Variants in CELSR1 observed in about 807,000 individuals in gnomAD.
The protein encoded by CELSR1 is adhesion G protein-coupled receptor C1.
CELSR1 carries 110 observed loss-of-function variants against 249.1 expected under a neutral mutation model. The observed-to-expected ratio is 0.44, with a 90% CI of 0.38 to 0.52. The LOEUF (loss-of-function observed/expected upper bound fraction) is 0.52, where lower values mean the gene tolerates loss of function less well. Among genes scored for constraint, CELSR1 ranks in the 20% least tolerant of loss-of-function variants. The probability of loss-of-function intolerance (pLI) is 0.00; values close to 1 mark genes in which losing one functional copy is unlikely to be tolerated. For missense variants in CELSR1, 4,109 were observed against 4,296.4 expected (o/e 0.96, Z 1.22); for synonymous variants, 2,113 against 1,900.0 (o/e 1.11, Z -2.92).
chr22:46,411,413 G>A lies in CELSR1; in HGVS notation c.4769+189C>T, dbSNP rs1335932881. 6.6e-6 allele frequency among the ~76,000 whole-genome samples: 1 copy of A among 152,168 alleles called. No individual in the cohort carries two copies. Among genetic ancestry groups the A allele is most frequent in the African/African-American group, 2.4e-5 (1 of 41,432 alleles). On this transcript the variant is annotated intron_variant, in intron 6 of 34. Transcript: ENST00000674500. This position sits in a 1 kb window ranked among gnomAD's most constrained non-coding sequence, Gnocchi z 4.2. ...CTGGCCACTCTTGACACATACTTAG[G>A]GAGACTTATTCTAGAAGGTCAGAGG...
chr22:46,480,463 T>A (rs1344093992), intron 1 of CELSR1, among the ~76,000 whole-genome samples: 1 of 152,212 alleles, frequency 6.6e-6, no homozygotes, highest in Non-Finnish European at 1.5e-5. Flanking sequence ...CAATTCCACA[T>A]CTTAAAATCA....
Position 46,410,702 on chromosome 22 carries a change from G to T in CELSR1, c.4770-141C>A. 1.3e-6 allele frequency: 1 copy of T among 766,586 alleles called. No individual in the cohort carries two copies. Among genetic ancestry groups the T allele is most frequent in the Non-Finnish European group, 2.1e-6 (1 of 482,090 alleles). The allele number at this position is 766,586 out of a possible 1,614,324, so 47.5% of individuals were successfully genotyped here. A position where few individuals can be genotyped will look rare whatever the true frequency, so the allele number is the denominator to read the frequency against. ...AGCAGACAGGCGGGGAGAGGCCAAA[G>T]TCAGAGGGGGCTCCTGTGTCTGGTG... On this transcript the variant is annotated intron_variant, in intron 6 of 34. Coordinates refer to ENST00000674500, the MANE Select transcript of CELSR1 (RefSeq NM_001378328.1). This position sits in a 1 kb window ranked among gnomAD's most constrained non-coding sequence, Gnocchi z 6.8.
Position 46,534,284 on chromosome 22 carries a change from C to T in CELSR1, c.2887G>A (p.Val963Met), listed in dbSNP as rs1226470003. ...ACAGCCAGAGCCCAAAGGTTGTACA[C>T]GGCCACATTCTCCCGGTCCAGCCGG... The part of the protein sequence containing the change: ...QRRLDRENVA[V>M]YNLWALAVDR... The change falls in exon 1 of 35, where the codon GTG (valine) becomes ATG (methionine). Residue 963 changes from valine to methionine, a missense_variant. Coordinates refer to ENST00000674500, the MANE Select transcript of CELSR1 (RefSeq NM_001378328.1). The surrounding 1 kb of genome is among the most constrained non-coding windows in gnomAD (Gnocchi z 9.7). The T allele has an allele frequency of 7.4e-6, 12 of 1,613,270 alleles. No homozygotes were observed. Among genetic ancestry groups the T allele is most frequent in the East Asian group, 6.7e-5 (3 of 44,878 alleles).
rs1251735909 is a variant in CELSR1 at position 46,535,897 on chromosome 22, A to T, written c.1274T>A (p.Leu425His). The change falls in exon 1 of 35, where the codon CTC (leucine) becomes CAC (histidine). Residue 425 changes from leucine (L) to histidine (H), a missense_variant. Transcript: ENST00000674500. ...CCCCTGGTCGTTGGCCTCCACCAGG[A>T]GCTGGTACTCGGCCGCCTCCTCCCG... ...LDREEAAEYQLLVEANDQGRN... is the reference protein window; with the variant it reads ...LDREEAAEYQHLVEANDQGRN... The T allele has an allele frequency of 6.2e-7, 1 of 1,608,884 alleles. No homozygotes were observed. The highest frequency in any genetic ancestry group is 8.5e-7 in the Non-Finnish European group (1 of 1,179,324).
Position 46,391,190 on chromosome 22 carries a change from G to T in CELSR1, c.6246C>A (p.Ser2082=). The T allele has an allele frequency of 6.2e-7, 1 of 1,612,064 alleles. No homozygotes were observed. The highest frequency in any genetic ancestry group is 8.5e-7 in the Non-Finnish European group (1 of 1,179,364). The change falls in exon 16 of 35, where the codon TCC becomes TCA. Residue 2082 remains serine, a synonymous_variant. Coordinates refer to ENST00000674500, the MANE Select transcript of CELSR1 (RefSeq NM_001378328.1). The surrounding 1 kb of genome is among the most constrained non-coding windows in gnomAD (Gnocchi z 4.3). ...QPAAVPCPKG[S]VGNAVRHCSG... Reference sequence around the variant, plus strand: ...ACACAGGCCACGGCGACTCACCAACGGATCCCTTAGGGCATGGCACCGCAG... The same window carrying T: ...ACACAGGCCACGGCGACTCACCAACTGATCCCTTAGGGCATGGCACCGCAG...
chr22:46,439,253 G>A lies in CELSR1; in HGVS notation c.4342C>T (p.Pro1448Ser), dbSNP rs866267913. The change falls in exon 3 of 35, where the codon CCG becomes TCG. Residue 1448 changes from proline to serine, a missense_variant. By Grantham distance (74) the Pro-to-Ser change is moderately conservative. Coordinates refer to ENST00000674500, the MANE Select transcript of CELSR1 (RefSeq NM_001378328.1). ...PYCEVTTRSF[P>S]PQSFVTFRGL... ...CGGAAGGTGACGAAGGACTGGGGCG[G>A]GAAGCTCCTGGTGGTCACCTCACAG... 2.5e-6 allele frequency: 4 copies of A among 1,614,000 alleles called. No individual in the cohort carries two copies. The highest frequency in any genetic ancestry group is 3.4e-6 in the Non-Finnish European group (4 of 1,180,016).
rs532260576 is a variant in CELSR1 at position 46,434,457 on chromosome 22, T to C, written c.4523-976A>G. Among the ~76,000 whole-genome samples, 1 of 152,292 alleles carries C rather than the reference T, an allele frequency of 6.6e-6. No individual in the cohort carries two copies. The highest frequency in any genetic ancestry group is 1.9e-4 in the East Asian group (1 of 5,172). ...TTCTGGAAACGGGTGTGGGAGACAC[T>C]GGCCAGGGGAATAGCCTAATCCCAC... is the stretch of plus-strand genomic sequence containing the variant. On this transcript the variant is annotated intron_variant, in intron 4 of 34. Transcript: ENST00000674500. The surrounding 1 kb of genome is among the most constrained non-coding windows in gnomAD (Gnocchi z 4.9).
chr22:46,378,829 C>T (rs571959304), intron 22 of CELSR1, 112 bp from the exon 23 acceptor site: 1 of 1,385,390 alleles, frequency 7.2e-7, no homozygotes, highest in South Asian at 1.4e-5. Context: ...CTGGCCAAAC[C>T]AAACAGCAGG....
At chr22:46,365,090 C>T (rs2078752484) in intron 32 of CELSR1, 141 bp downstream of exon 32, 1 of 1,211,582 alleles carries the variant, frequency 8.3e-7, no homozygotes, top group South Asian at 1.6e-5. Context: ...CAACCAGAGT[C>T]CCCCCACCCC....
intron 1 of CELSR1, among the ~76,000 whole-genome samples, chr22:46,515,792 G>C (rs2080620861): frequency 6.6e-6 from 1 of 152,218 alleles, no homozygotes; most frequent in Non-Finnish European, 1.5e-5. Flanking sequence ...GGATACACCA[G>C]GACATTCCGC....
Position 46,440,262 on chromosome 22 carries a change from G to A in CELSR1, c.4184-851C>T, listed in dbSNP as rs542252312. ...TGGCCGCTGCATCCTCCAGCAACCA[G>A]GTGTGTGGCTGGTGACACTCCCGCC... On this transcript the variant is annotated intron_variant, in intron 2 of 34. Coordinates refer to ENST00000674500, the MANE Select transcript of CELSR1 (RefSeq NM_001378328.1). The surrounding 1 kb of genome is among the most constrained non-coding windows in gnomAD (Gnocchi z 4.7). Among the ~76,000 whole-genome samples, 3 of 152,286 alleles carry A rather than the reference G, an allele frequency of 2.0e-5. No homozygotes were observed. Among genetic ancestry groups the A allele is most frequent in the Admixed American group, 2.0e-4 (3 of 15,304 alleles).
intron 5 of CELSR1, among the ~76,000 whole-genome samples, chr22:46,425,413 G>A (rs538953069): frequency 1.3e-5 from 2 of 152,282 alleles, no homozygotes; most frequent in East Asian, 1.9e-4. Context: ...ATCTGGGCCC[G>A]GAGATTTCCT....
intron 24 of CELSR1, among the ~76,000 whole-genome samples, chr22:46,376,538 C>G (rs967831735): frequency 3.9e-5 from 6 of 152,242 alleles, no homozygotes; most frequent in Admixed American, 6.5e-5. Context: ...CCACGCCCAG[C>G]TAATTTTTGT....
At chr22:46,479,388 A>T (rs2080243612) in intron 1 of CELSR1, among the ~76,000 whole-genome samples, 1 of 152,036 alleles carries the variant, frequency 6.6e-6, no homozygotes, top group African/African-American at 2.4e-5. Flanking sequence ...TGCCAGGGGA[A>T]AACTGTCTGG....
chr22:46,388,086 T>A (rs2079050691), intron 18 of CELSR1, among the ~76,000 whole-genome samples: 1 of 152,202 alleles, frequency 6.6e-6, no homozygotes, highest in Non-Finnish European at 1.5e-5. Context: ...CGGTTGCTCA[T>A]GCCTGTAATC....
chr22:46,438,524 T>C (rs1217720008), intron 3 of CELSR1, among the ~76,000 whole-genome samples: 1 of 152,234 alleles, frequency 6.6e-6, no homozygotes, highest in East Asian at 1.9e-4. Flanking sequence ...GGGTCAGCTC[T>C]GATGGTTTAG....
intron 5 of CELSR1, among the ~76,000 whole-genome samples, chr22:46,422,753 C>G (rs1412691338): frequency 7.3e-6 from 1 of 136,694 alleles, no homozygotes; most frequent in African/African-American, 3.2e-5. Context: ...GGCGACAGAG[C>G]GAGACTCCAT....
chr22:46,476,363 AG>A (rs2080207900), intron 1 of CELSR1, among the ~76,000 whole-genome samples: 1 of 152,118 alleles, frequency 6.6e-6, no homozygotes, highest in Non-Finnish European at 1.5e-5. Flanking sequence ...TGAGAGACCA[AG>A]GTGGGTGGAT....
At chr22:46,375,725 G>T (rs1170289052) in intron 24 of CELSR1, among the ~76,000 whole-genome samples, 2 of 152,022 alleles carry the variant, frequency 1.3e-5, no homozygotes, top group Non-Finnish European at 2.9e-5. Flanking sequence ...TGTATTTTTA[G>T]TAAAGACAGG....
Sources: allele counts gnomAD v4.1 joint callset (sites outside exome capture counted in the v4.1 genomes callset), GRCh38; gene constraint gnomAD v4.1.1; non-coding constraint Gnocchi (gnomAD v3.1); transcripts MANE v1.5; gene names NCBI Gene and HGNC (gene_info 2026-07-23, HGNC 2026-07-21).